The following BLNK variants were observed in gnomAD, a reference collection of about 807,000 sequenced individuals.
BLNK encodes B cell linker, also known as B-cell linker protein.
Under a neutral mutation model 73.5 loss-of-function variants are expected in BLNK, and 29 were observed. That is an observed-to-expected ratio of 0.39 (90% CI 0.29 to 0.54). The LOEUF (loss-of-function observed/expected upper bound fraction) is 0.54, where lower values mean the gene tolerates loss of function less well. Ranked by LOEUF, BLNK falls within the 20% of genes least tolerant of loss-of-function variation. The pLI, the probability that BLNK is intolerant of heterozygous loss-of-function variation, is 0.61. For synonymous variants in BLNK, 176 were observed against 200.8 expected (o/e 0.88, Z 1.04); for missense variants, 460 against 562.8 (o/e 0.82, Z 1.85).
chr10:96,246,975 C>A lies in BLNK; in HGVS notation c.113+9G>T, dbSNP rs782219800. 1.3e-6 allele frequency: 2 copies of A among 1,580,326 alleles called. No individual in the cohort carries two copies. The highest frequency in any genetic ancestry group is 1.7e-6 in the Non-Finnish European group (2 of 1,152,524). On this transcript the variant is annotated intron_variant, in intron 2 of 16. Coordinates refer to ENST00000224337, the MANE Select transcript of BLNK (RefSeq NM_013314.4). ...ATATAATTAAGTATTTAAATAGAGG[C>A]GAACTTACTTTTTGATTTTATTCAT...
rs1430397243 is a variant in BLNK, at chr10:96,189,597, G to A, written c.*2376C>T. 1.6e-5 allele frequency: 11 copies of A among 690,072 alleles called. No homozygotes were observed. The African/African-American group carries it at 1.9e-4, about 12-fold the overall frequency. The allele number at this position is 690,072 out of a possible 1,614,324, so 42.7% of individuals were successfully genotyped here. A position where few individuals can be genotyped will look rare whatever the true frequency, so the allele number is the denominator to read the frequency against. ...TCCTTTTAATCTTGGTGTTGATGAT[G>A]GGTTTGAGTGTTTTCTATTCTGATT... On this transcript the variant is annotated 3_prime_UTR_variant, in exon 17 of 17. Transcript: ENST00000224337.
intron 1 of BLNK, among the ~76,000 whole-genome samples, chr10:96,266,239 C>T (rs1162956138): frequency 6.6e-6 from 1 of 152,154 alleles, no homozygotes; most frequent in East Asian, 1.9e-4. Context: ...AGTTTGGCAC[C>T]AGCCCAGTTC....
chr10:96,229,301 T>C (rs1261266599), intron 4 of BLNK, among the ~76,000 whole-genome samples: 1 of 150,594 alleles, frequency 6.6e-6, no homozygotes, highest in Non-Finnish European at 1.5e-5. Flanking sequence ...TGAGTTCAAG[T>C]GTTTTAATTT....
intron 6 of BLNK, 124 bp downstream of exon 6, chr10:96,223,702 G>T: frequency 8.6e-7 from 1 of 1,162,410 alleles, no homozygotes; most frequent in Non-Finnish European, 1.3e-6. Flanking sequence ...TAATAGTGGA[G>T]AGTTAGAGGG....
intron 5 of BLNK, among the ~76,000 whole-genome samples, chr10:96,226,097 A>G (rs1554902427): frequency 6.6e-6 from 1 of 152,204 alleles, no homozygotes; most frequent in Non-Finnish European, 1.5e-5. Context: ...TCGGAAGCTG[A>G]GAGCCCTGGC....
At chr10:96,211,568 C>T (rs978652208) in intron 8 of BLNK, among the ~76,000 whole-genome samples, 3 of 152,320 alleles carry the variant, frequency 2.0e-5, no homozygotes, top group Non-Finnish European at 2.9e-5. Flanking sequence ...TTTTCCTAAA[C>T]CCTCAAGGAT....
intron 1 of BLNK, among the ~76,000 whole-genome samples, chr10:96,257,473 C>A (rs1843566533): frequency 6.6e-6 from 1 of 152,136 alleles, no homozygotes; most frequent in African/African-American, 2.4e-5. Flanking sequence ...GCGAAAGGAC[C>A]AACAACTCTC....
intron 3 of BLNK, among the ~76,000 whole-genome samples, chr10:96,234,931 C>T (rs1414007677): frequency 6.6e-6 from 1 of 152,230 alleles, no homozygotes; most frequent in Non-Finnish European, 1.5e-5. Flanking sequence ...GGCGGGCCCT[C>T]TTGTCAGTTA....
intron 6 of BLNK, 72 bp downstream of exon 6, chr10:96,223,754 G>T: frequency 6.5e-7 from 1 of 1,539,974 alleles, no homozygotes; most frequent in Non-Finnish European, 9.0e-7. Context: ...ACAGCCAGCG[G>T]GCAGGCTGTC....
chr10:96,208,046 G>T, intron 9 of BLNK, 147 bp from the exon 10 acceptor site: 1 of 863,036 alleles, frequency 1.2e-6, no homozygotes, highest in Non-Finnish European at 1.9e-6. Flanking sequence ...GGAGAGGGAT[G>T]GAAGTGGGAT....
intron 8 of BLNK, among the ~76,000 whole-genome samples, chr10:96,215,007 T>C (rs2084031747): frequency 6.6e-6 from 1 of 152,028 alleles, no homozygotes; most frequent in African/African-American, 2.4e-5. Context: ...ATCATGATGT[T>C]CTGAAAGAAC....
chr10:96,216,586 C>A, intron 7 of BLNK, 67 bp downstream of exon 7: 1 of 1,385,930 alleles, frequency 7.2e-7, no homozygotes, highest in Non-Finnish European at 1.0e-6. Flanking sequence ...TGCTTACTAC[C>A]AAATACTCTT....
chr10:96,190,994 A>C lies in BLNK; in HGVS notation c.*979T>G, dbSNP rs975841227. On this transcript the variant is annotated 3_prime_UTR_variant, in exon 17 of 17. Transcript: ENST00000224337. Reference sequence around the variant, plus strand: ...AATCTCATCTTGAATTGTAGCTCCCATAATCCCCACGTGCCATGGGAGGGA... The same window carrying C: ...AATCTCATCTTGAATTGTAGCTCCCCTAATCCCCACGTGCCATGGGAGGGA... 1.3e-5 allele frequency among the ~76,000 whole-genome samples: 2 copies of C among 152,150 alleles called. No individual in the cohort carries two copies. Among genetic ancestry groups the C allele is most frequent in the Non-Finnish European group, 2.9e-5 (2 of 68,030 alleles).
At chr10:96,236,488 G>T (rs1383343657) in intron 3 of BLNK, among the ~76,000 whole-genome samples, 1 of 152,190 alleles carries the variant, frequency 6.6e-6, no homozygotes, top group Non-Finnish European at 1.5e-5. Flanking sequence ...ACAAGACCCA[G>T]ATTCAGGCTG....
intron 1 of BLNK, among the ~76,000 whole-genome samples, chr10:96,268,726 C>T (rs1388550989): frequency 1.3e-5 from 2 of 152,132 alleles, no homozygotes; most frequent in African/African-American, 4.8e-5. Context: ...TGCTTCCCCT[C>T]TCCTCCTAGT....
chr10:96,190,133 GAT>G lies in BLNK; in HGVS notation c.*1838_*1839del, dbSNP rs2083305724. 3 of 994,536 alleles carry G rather than the reference GAT, an allele frequency of 3.0e-6. No individual in the cohort carries two copies. The East Asian group carries it at 7.2e-5, about 24-fold the overall frequency. The allele number at this position is 994,536 out of a possible 1,614,324, so 61.6% of individuals were successfully genotyped here. ...TTTTCATCATTATCCACCTTAAAGT[GAT>G]CATCTTTGTCGGCCTTTAGTTCACA... On this transcript the variant is annotated 3_prime_UTR_variant, in exon 17 of 17. Coordinates refer to ENST00000224337, the MANE Select transcript of BLNK (RefSeq NM_013314.4).
At chr10:96,227,339 C>G in intron 5 of BLNK, 71 bp downstream of exon 5, 1 of 1,580,268 alleles carries the variant, frequency 6.3e-7, no homozygotes, top group Non-Finnish European at 8.6e-7. Flanking sequence ...GTCCCCACCC[C>G]GCAATCTTGG....
intron 16 of BLNK, 113 bp from the exon 17 acceptor site, chr10:96,192,205 G>A: frequency 1.4e-6 from 2 of 1,408,478 alleles, no homozygotes; most frequent in Non-Finnish European, 2.0e-6. Context: ...CACCCCAGCT[G>A]ACATTCTGCA....
chr10:96,262,378 G>T (rs1399276549), intron 1 of BLNK, among the ~76,000 whole-genome samples: 2 of 152,050 alleles, frequency 1.3e-5, no homozygotes, highest in African/African-American at 4.8e-5. Flanking sequence ...CTTACTCTCC[G>T]GTATACAGAG....
Sources: gnomAD v4.1 joint callset for allele counts (sites outside exome capture counted in the v4.1 genomes callset) on GRCh38, gnomAD v4.1.1 for gene constraint, MANE v1.5 for transcripts, NCBI Gene and HGNC (gene_info 2026-07-23, HGNC 2026-07-21) for gene names.